The following PCARE variants were observed in gnomAD, a reference collection of about 807,000 sequenced individuals.
The protein encoded by PCARE is photoreceptor cilium actin regulator, also known as uncharacterized protein C2orf71.
PCARE carries 72 observed loss-of-function variants against 82.2 expected under a neutral mutation model. The ratio of observed to expected loss-of-function variants is 0.88; its 90% confidence interval spans 0.72 to 1.07. PCARE has a LOEUF of 1.07. Among genes scored for constraint, PCARE ranks in the 50% least tolerant of loss-of-function variants. The pLI, the probability that PCARE is intolerant of heterozygous loss-of-function variation, is 0.00. For missense variants in PCARE, 1,768 were observed against 1,592.4 expected (o/e 1.11, Z -1.88); for synonymous variants, 705 against 634.8 (o/e 1.11, Z -1.66).
rs539345878 is a variant in PCARE at position 29,072,895 on chromosome 2, C to T, written c.1367G>A (p.Cys456Tyr). ...PPLKLGTSTP[C>Y]DSFGIGVSVE... ...AGAGACCCCAATCCCAAAGGAATCA[C>T]ATGGGGTGCTTGTCCCCAGCTTCAA... The change falls in exon 1 of 2, where the codon TGT (cysteine) becomes TAT (tyrosine). Residue 456 changes from cysteine to tyrosine, a missense_variant. Coordinates refer to ENST00000331664, the MANE Select transcript of PCARE (RefSeq NM_001029883.3). 1.2e-6 allele frequency: 2 copies of T among 1,614,156 alleles called. No individual in the cohort carries two copies. Among genetic ancestry groups the T allele is most frequent in the South Asian group, 1.1e-5 (1 of 91,070 alleles).
At chr2:29,065,167 C>T (rs1156460389) in intron 1 of PCARE, 100 bp from the exon 2 acceptor site, 4 of 1,348,594 alleles carry the variant, frequency 3.0e-6, no homozygotes, top group African/African-American at 2.9e-5. Context: ...CCCTCCCCAG[C>T]CCTCTCCCAC....
In PCARE at chr2:29,070,811, C is replaced by T; in HGVS notation, c.3451G>A (p.Glu1151Lys). 1 of 1,614,114 alleles carries T rather than the reference C, an allele frequency of 6.2e-7. No homozygotes were observed. The highest frequency in any genetic ancestry group is 8.5e-7 in the Non-Finnish European group (1 of 1,180,034). ...GGGTTCCCGAGAGGGCCCCCAGCCT[C>T]TGGCGGCAGCGATGGTGGGGTCAGT... ...HPLTPPSLPP[E>K]AGGPLGNPAE... The change falls in exon 1 of 2, where the codon GAG becomes AAG. Residue 1151 changes from glutamate to lysine, a missense_variant. Coordinates refer to ENST00000331664, the MANE Select transcript of PCARE (RefSeq NM_001029883.3).
At position 29,071,752 on chromosome 2, in the gene PCARE, A is replaced by G. The variant is rs766160974; in HGVS notation, c.2510T>C (p.Val837Ala). 4 of 1,613,496 alleles carry G rather than the reference A, an allele frequency of 2.5e-6. No homozygotes were observed. The South Asian group carries it at 3.3e-5, about 13-fold the overall frequency. Residue 837 changes from valine to alanine, a missense_variant, in exon 1 of 2, where the codon GTT (valine) becomes GCT (alanine). Physicochemically the swap from Val to Ala is moderately conservative, Grantham distance 64 (BLOSUM62 0). Coordinates refer to ENST00000331664, the MANE Select transcript of PCARE (RefSeq NM_001029883.3). Reference protein sequence around the residue: ...LEHLPPPPMEVLMDKSFASLE... With the variant: ...LEHLPPPPMEALMDKSFASLE... ...AGAAGCGAATGATTTGTCCATCAGA[A>G]CTTCCATAGGCGGTGGAGGGAGGTG...
At chr2:29,070,529 C>G in intron 1 of PCARE, 65 bp downstream of exon 1, 1 of 1,600,144 alleles carries the variant, frequency 6.2e-7, no homozygotes, top group South Asian at 1.1e-5. Context: ...GATCTTTTGG[C>G]CCATTCGCTC....
chr2:29,070,572 G>A (rs765358750), intron 1 of PCARE, 22 bp downstream of exon 1: 13 of 1,613,756 alleles, frequency 8.1e-6, no homozygotes, highest in Non-Finnish European at 1.0e-5. Context: ...CTGAAGGGCA[G>A]TGACCCCAGG....
rs1167620750 is a variant in PCARE, at chr2:29,062,723, G to A, written c.*2146C>T. The A allele has an allele frequency of 2.6e-5, 4 of 152,240 alleles. No homozygotes were observed. The highest frequency in any genetic ancestry group is 5.9e-5 in the Non-Finnish European group (4 of 68,066). 9.4% of individuals were successfully genotyped at this position (152,240 alleles called of 1,614,324 possible). A position where few individuals can be genotyped will look rare whatever the true frequency, so the allele number is the denominator to read the frequency against. ...TAAGATGAGGCCCTTTACGGAAGGA[G>A]GCCTGGGCTGGAGACTCAGCCTTGC... On this transcript the variant is annotated 3_prime_UTR_variant, in exon 2 of 2. Transcript: ENST00000331664.
At position 29,062,814 on chromosome 2, in the gene PCARE, C is replaced by T. The variant is rs982065800; in HGVS notation, c.*2055G>A. On this transcript the variant is annotated 3_prime_UTR_variant, in exon 2 of 2. Transcript: ENST00000331664. ...TCCAGTAATGAAAATGTGTATAATT[C>T]CTGGGGTTCCACCCCTCATGGTACC... is the stretch of plus-strand genomic sequence containing the variant. 9.9e-5 allele frequency: 15 copies of T among 152,190 alleles called. No individual in the cohort carries two copies. The highest frequency in any genetic ancestry group is 9.8e-4 in the Admixed American group (15 of 15,276). The allele number at this position is 152,190 out of a possible 1,614,324, so 9.4% of individuals were successfully genotyped here.
Position 29,072,851 on chromosome 2 carries a change from T to G in PCARE, c.1411A>C (p.Lys471Gln), listed in dbSNP as rs535422868. Residue 471 changes from lysine (K) to glutamine (Q), a missense_variant, in exon 1 of 2, where the codon AAA becomes CAA. By Grantham distance (53) the Lys-to-Gln change is moderately conservative (BLOSUM62 1). Transcript: ENST00000331664. ...GAAGCGTCCATCGGCCTGGAGGTTT[T>G]GGAAAGGTGTGGTTCCACAGAGACC... Reference protein sequence around the residue: ...IGVSVEPHLSKTSRPMDASSL... With the variant: ...IGVSVEPHLSQTSRPMDASSL... The G allele has an allele frequency of 6.2e-7, 1 of 1,614,056 alleles. No homozygotes were observed. The highest frequency in any genetic ancestry group is 1.7e-5 in the Admixed American group (1 of 60,012).
Position 29,071,069 on chromosome 2 carries a change from G to A in PCARE, c.3193C>T (p.Pro1065Ser), listed in dbSNP as rs1295358768. The A allele has an allele frequency of 2.6e-6, 4 of 1,552,670 alleles. No homozygotes were observed. The highest frequency in any genetic ancestry group is 3.6e-5 in the Admixed American group (2 of 55,820). The part of the protein sequence containing the change: ...KLPNPPPESA[P>S]AQCKVPSPPT... ...GGGCTGGGGACCTTGCACTGAGCAG[G>A]TGCACTCTCGGGGGGAGGGTTGGGC... is the stretch of plus-strand genomic sequence containing the variant. Residue 1065 changes from proline (P) to serine (S), a missense_variant, in exon 1 of 2, where the codon CCT (proline) becomes TCT (serine). Transcript: ENST00000331664.
At chr2:29,069,160 GA>G (rs969899648) in intron 1 of PCARE, among the ~76,000 whole-genome samples, 4 of 152,084 alleles carry the variant, frequency 2.6e-5, no homozygotes, top group African/African-American at 9.7e-5. Context: ...AAAAAGGTTT[GA>G]AAAAATGTAA....
Position 29,072,515 on chromosome 2 carries a change from C to T in PCARE, c.1747G>A (p.Gly583Ser), listed in dbSNP as rs757605499. ...TGCCTCTCAGGGGCCCTCCTGCTGCCACTTACCGTGCTAGGTCTTGGGGGG... is the reference window on the plus strand; with the variant it reads ...TGCCTCTCAGGGGCCCTCCTGCTGCTACTTACCGTGCTAGGTCTTGGGGGG... ...VVPPRPSTVSGSRRAPERQTR... is the reference protein window; with the variant it reads ...VVPPRPSTVSSSRRAPERQTR... The change falls in exon 1 of 2, where the codon GGC becomes AGC. Residue 583 changes from glycine (G) to serine (S), a missense_variant. Transcript: ENST00000331664. The T allele has an allele frequency of 1.9e-6, 3 of 1,614,224 alleles. No homozygotes were observed. Among genetic ancestry groups the T allele is most frequent in the Non-Finnish European group, 2.5e-6 (3 of 1,180,040 alleles).
At chr2:29,070,046 G>T (rs1452285200) in intron 1 of PCARE, among the ~76,000 whole-genome samples, 1 of 152,160 alleles carries the variant, frequency 6.6e-6, no homozygotes, top group East Asian at 1.9e-4. Flanking sequence ...TGTAAAACAT[G>T]GGGTGTGTGG....
rs902856341 is a variant in PCARE at position 29,073,082 on chromosome 2, C to A, written c.1180G>T (p.Gly394Ter). The change falls in exon 1 of 2, where the codon GGA becomes TGA. Residue 394 changes from glycine (G) to a stop codon, truncating the protein, a stop_gained. Transcript: ENST00000331664. LOFTEE classifies it high-confidence loss of function. ...TSPHTEARQS[G>*]HTWQQSPFCL... The stretch of plus-strand genomic sequence containing the variant: ...AATGGACTTTGCTGCCAGGTGTGTC[C>A]TGACTGCCTGGCCTCTGTGTGGGGT... The A allele has an allele frequency of 1.9e-6, 3 of 1,614,008 alleles. No homozygotes were observed. The African/African-American group carries it at 4.0e-5, about 22-fold the overall frequency.
At position 29,064,861 on chromosome 2, in the gene PCARE, T is replaced by G. The variant is rs1388186345; in HGVS notation, c.*8A>C. On this transcript the variant is annotated 3_prime_UTR_variant, in exon 2 of 2. Transcript: ENST00000331664. Reference sequence around the variant, plus strand: ...TGACTGCGTGAGTGTGGCCCCCTCGTCAGCCTGTCAGGACACCTCCTCTTG... The same window carrying G: ...TGACTGCGTGAGTGTGGCCCCCTCGGCAGCCTGTCAGGACACCTCCTCTTG... The G allele has an allele frequency of 2.5e-6, 4 of 1,610,370 alleles. No homozygotes were observed. The highest frequency in any genetic ancestry group is 3.3e-5 in the Admixed American group (2 of 59,998).
In PCARE at chr2:29,071,925, C is replaced by A. The variant is rs751935156; in HGVS notation, c.2337G>T (p.Pro779=). ...CTGATGCTGGAGAAATTTGGGGCTTCGGATACAAAGGGGCAAGCCCTGTGT... is the reference window on the plus strand; with the variant it reads ...CTGATGCTGGAGAAATTTGGGGCTTAGGATACAAAGGGGCAAGCCCTGTGT... ...PKYTGLAPLY[P]KPQISPASGR... is the part of the protein sequence containing the mutation. The change falls in exon 1 of 2, where the codon CCG becomes CCT. Residue 779 remains proline (P), a synonymous_variant. Coordinates refer to ENST00000331664, the MANE Select transcript of PCARE (RefSeq NM_001029883.3). 79 of 1,614,048 alleles carry A rather than the reference C, an allele frequency of 4.9e-5. No homozygotes were observed. The highest frequency in any genetic ancestry group is 4.7e-5 in the Non-Finnish European group (56 of 1,180,022).
At chr2:29,070,307 C>A (rs1358688315) in intron 1 of PCARE, among the ~76,000 whole-genome samples, 1 of 152,124 alleles carries the variant, frequency 6.6e-6, no homozygotes, top group Non-Finnish European at 1.5e-5. Flanking sequence ...TGTGCCCTTC[C>A]TGTGTCCATG....
chr2:29,071,708 T>A lies in PCARE; in HGVS notation c.2554A>T (p.Ser852Cys), dbSNP rs200836230. The A allele has an allele frequency of 6.2e-7, 1 of 1,614,136 alleles. No individual in the cohort carries two copies. The highest frequency in any genetic ancestry group is 8.5e-7 in the Non-Finnish European group (1 of 1,179,996). The change falls in exon 1 of 2, where the codon AGC (serine) becomes TGC (cysteine). Residue 852 changes from serine to cysteine, a missense_variant. Physicochemically the swap from Ser to Cys is moderately radical, Grantham distance 112. Coordinates refer to ENST00000331664, the MANE Select transcript of PCARE (RefSeq NM_001029883.3). Reference sequence around the variant, plus strand: ...TTGGGGGAGTTCTCTGTGGACTTGCTGCTTTCTGGGGACTCCAGAGAAGCG... The same window carrying A: ...TTGGGGGAGTTCTCTGTGGACTTGCAGCTTTCTGGGGACTCCAGAGAAGCG... ...SFASLESPES[S>C]KSTENSPKET...
intron 1 of PCARE, among the ~76,000 whole-genome samples, chr2:29,068,340 G>A (rs1392535250): frequency 6.6e-6 from 1 of 152,106 alleles, no homozygotes; most frequent in Non-Finnish European, 1.5e-5. Flanking sequence ...ATTGACTGCC[G>A]AGTACTTTGT....
In PCARE at chr2:29,064,178, C is replaced by T. The variant is rs911030073; in HGVS notation, c.*691G>A. The T allele has an allele frequency of 6.5e-6, 1 of 153,204 alleles. No individual in the cohort carries two copies. The highest frequency in any genetic ancestry group is 2.4e-5 in the African/African-American group (1 of 41,448). 9.5% of individuals were successfully genotyped at this position (153,204 alleles called of 1,614,324 possible). ...TTAATCCTGGCTCACTCAGCCTTCT[C>T]ATTTTGGGAGCCATGCACTTCTAAA... On this transcript the variant is annotated 3_prime_UTR_variant, in exon 2 of 2. Transcript: ENST00000331664.
Sources: allele counts gnomAD v4.1 joint callset (sites outside exome capture counted in the v4.1 genomes callset), GRCh38; gene constraint gnomAD v4.1.1; transcripts MANE v1.5; gene names NCBI Gene and HGNC (gene_info 2026-07-23, HGNC 2026-07-21).